ARHGEF7: variants seen among roughly 807,000 people sequenced by gnomAD.
The protein encoded by ARHGEF7 is Rho guanine nucleotide exchange factor 7.
Under a neutral mutation model 109.8 loss-of-function variants are expected in ARHGEF7, and 33 were observed. The ratio of observed to expected loss-of-function variants is 0.30; its 90% CI spans 0.23 to 0.40. The LOEUF is 0.40. ARHGEF7 is among the 10% of genes least tolerant of loss of function. The probability of loss-of-function intolerance (pLI) is 1.00; values close to 1 mark genes in which losing one functional copy is unlikely to be tolerated. For missense variants in ARHGEF7, 938 were observed against 1,098.5 expected (o/e 0.85, Z 2.07); for synonymous variants, 458 against 424.6 (o/e 1.08, Z -0.97).
At chr13:111,132,873 AG>A (rs1042084978) in intron 1 of ARHGEF7, among the ~76,000 whole-genome samples, 11 of 151,608 alleles carry the variant, frequency 7.3e-5, no homozygotes, top group Non-Finnish European at 1.5e-4. Context: ...TATTGGGAGT[AG>A]GGGTAGGGAT....
chr13:111,221,346 T>TATAGATATATATAGAC lies in ARHGEF7; in HGVS notation c.670+3469_670+3470insGATATATATAGACATA, dbSNP rs1464826576. Among the ~76,000 whole-genome samples the TATAGATATATATAGAC allele has an allele frequency of 7.2e-5, 2 of 27,826 alleles. 1 individual carries two copies. The highest frequency in any genetic ancestry group is 2.4e-4 in the African/African-American group (2 of 8,166). The allele number at this position is 27,826 out of a possible 152,430, so 18.3% of individuals were successfully genotyped here. ...ATATATATGTCTATATATATCTATA[T>TATAGATATATATAGAC]ATATGTCTATATATATATCTATATA... On this transcript the variant is annotated intron_variant, in intron 5 of 21. Coordinates refer to ENST00000646102, the MANE Select transcript of ARHGEF7 (RefSeq NM_001354046.2).
intron 6 of ARHGEF7, among the ~76,000 whole-genome samples, chr13:111,241,874 T>C (rs556644508): frequency 6.6e-6 from 1 of 152,364 alleles, no homozygotes; most frequent in South Asian, 2.1e-4. Flanking sequence ...AAAGGACTTT[T>C]CTGATACGTC....
At chr13:111,277,163 T>C (rs1163741938) in intron 12 of ARHGEF7, among the ~76,000 whole-genome samples, 2 of 152,232 alleles carry the variant, frequency 1.3e-5, no homozygotes, top group African/African-American at 2.4e-5. Context: ...CATTAAAATT[T>C]ATAGGTTCTC....
intron 6 of ARHGEF7, chr13:111,241,431 C>T: frequency 7.4e-7 from 1 of 1,343,680 alleles, no homozygotes; most frequent in Non-Finnish European, 1.0e-6. Flanking sequence ...GGGAGCCAGG[C>T]CTGGCTGTGT....
Position 111,115,389 on chromosome 13 carries a change from TG to T in ARHGEF7, c.-135del. On this transcript the variant is annotated 5_prime_UTR_variant, in exon 1 of 22. Transcript: ENST00000646102. Reference sequence around the variant, plus strand: ...GAGAAGCGGGCCGGGCCGGACCTGCTGGGCCGCGCCGAGCCAATCGCCGGCG... The same window carrying T: ...GAGAAGCGGGCCGGGCCGGACCTGCTGGCCGCGCCGAGCCAATCGCCGGCG... The T allele has an allele frequency of 2.0e-6, 1 of 509,766 alleles. No homozygotes were observed. The highest frequency in any genetic ancestry group is 2.5e-6 in the Non-Finnish European group (1 of 399,066). 31.6% of individuals were successfully genotyped at this position (509,766 alleles called of 1,614,324 possible).
intron 1 of ARHGEF7, among the ~76,000 whole-genome samples, chr13:111,139,156 A>C (rs2075227930): frequency 6.6e-6 from 1 of 152,224 alleles, no homozygotes; most frequent in African/African-American, 2.4e-5. Flanking sequence ...TAGAGATGGC[A>C]GAAGATTGAT....
chr13:111,243,981 A>G lies in ARHGEF7; in HGVS notation c.854+15A>G. On this transcript the variant is annotated intron_variant, in intron 7 of 21. Transcript: ENST00000646102. Reference sequence around the variant, plus strand: ...ACCAGTGAGAAGTAAGTTAGATGATAAATTGCATTAACTGTAAAATAGTCT... The same window carrying G: ...ACCAGTGAGAAGTAAGTTAGATGATGAATTGCATTAACTGTAAAATAGTCT... 8 of 1,575,034 alleles carry G rather than the reference A, an allele frequency of 5.1e-6. No homozygotes were observed. Among genetic ancestry groups the G allele is most frequent in the Non-Finnish European group, 6.1e-6 (7 of 1,145,574 alleles).
At chr13:111,251,820 T>C (rs2089813928) in intron 8 of ARHGEF7, among the ~76,000 whole-genome samples, 1 of 152,242 alleles carries the variant, frequency 6.6e-6, no homozygotes, top group African/African-American at 2.4e-5. Flanking sequence ...CCGGAACCAC[T>C]CTGAACCAGG....
chr13:111,244,411 A>G (rs1566943343), intron 8 of ARHGEF7, 117 bp downstream of exon 8: 1 of 665,528 alleles, frequency 1.5e-6, no homozygotes, highest in Non-Finnish European at 2.5e-6. Context: ...AAGTTATTTT[A>G]AATCTTTTGG....
chr13:111,253,540 G>A (rs1463290387), intron 8 of ARHGEF7, among the ~76,000 whole-genome samples: 1 of 152,106 alleles, frequency 6.6e-6, no homozygotes, highest in African/African-American at 2.4e-5. Flanking sequence ...GTAACTCTCC[G>A]TCTCTTTGTT....
Position 111,232,128 on chromosome 13 carries a change from TA to T in ARHGEF7, c.671-1076del, listed in dbSNP as rs2086143890. 1.3e-5 allele frequency among the ~76,000 whole-genome samples: 2 copies of T among 152,146 alleles called. 1 individual carries two copies. Among genetic ancestry groups the T allele is most frequent in the South Asian group, 4.2e-4 (2 of 4,814 alleles). ...GTAGATCTACCCCATGGAACTATGA[TA>T]TACACACAACCATTGATAGACCCAC... On this transcript the variant is annotated intron_variant, in intron 5 of 21. Transcript: ENST00000646102.
intron 2 of ARHGEF7, among the ~76,000 whole-genome samples, chr13:111,178,183 T>C (rs1379872045): frequency 1.3e-5 from 2 of 152,206 alleles, no homozygotes; most frequent in Non-Finnish European, 2.9e-5. Flanking sequence ...TCCTCCTCTC[T>C]CTTTTTCTTG....
intron 2 of ARHGEF7, among the ~76,000 whole-genome samples, chr13:111,181,755 G>A (rs1192480688): frequency 6.6e-6 from 1 of 152,198 alleles, no homozygotes; most frequent in Non-Finnish European, 1.5e-5. Context: ...AATGCTTCAA[G>A]AGAGGCGCAG....
At chr13:111,200,650 G>A (rs1279906257) in intron 2 of ARHGEF7, among the ~76,000 whole-genome samples, 1 of 152,180 alleles carries the variant, frequency 6.6e-6, no homozygotes, top group Admixed American at 6.5e-5. Context: ...TTAACGCCAT[G>A]TTCTGACATA....
At chr13:111,212,954 T>G (rs2082674565) in intron 4 of ARHGEF7, among the ~76,000 whole-genome samples, 1 of 152,190 alleles carries the variant, frequency 6.6e-6, no homozygotes, top group Admixed American at 6.6e-5. Context: ...AGAAGATATT[T>G]ACCCAAGATC....
At position 111,273,784 on chromosome 13, in the gene ARHGEF7, C is replaced by T. The variant is rs749709711; in HGVS notation, c.1074-30C>T. The T allele has an allele frequency of 7.4e-6, 12 of 1,612,620 alleles. No individual in the cohort carries two copies. Among genetic ancestry groups the T allele is most frequent in the Admixed American group, 6.7e-5 (4 of 59,970 alleles). On this transcript the variant is annotated intron_variant, in intron 9 of 21. Transcript: ENST00000646102. This position sits in a 1 kb window ranked among gnomAD's most constrained non-coding sequence, Gnocchi z 4.5. ...CACCATTGTCTCTCATTGCTAACCA[C>T]GAGTGTCTCTCTTGCCACTTGCTGC...
rs572773674 is a variant in ARHGEF7, at chr13:111,266,791, A to C, written c.951-757A>C. The stretch of plus-strand genomic sequence containing the variant: ...GCAAAGACACCCTGGGGTGCAGGGA[A>C]GGTGGTAAGAGTTCACGTGGTTCTC... On this transcript the variant is annotated intron_variant, in intron 8 of 21. Coordinates refer to ENST00000646102, the MANE Select transcript of ARHGEF7 (RefSeq NM_001354046.2). This position sits in a 1 kb window ranked among gnomAD's most constrained non-coding sequence, Gnocchi z 4.8. 2.2e-6 allele frequency: 1 copy of C among 455,864 alleles called. No homozygotes were observed. The highest frequency in any genetic ancestry group is 1.5e-5 in the South Asian group (1 of 64,538). The allele number at this position is 455,864 out of a possible 1,614,324, so 28.2% of individuals were successfully genotyped here. A position where few individuals can be genotyped will look rare whatever the true frequency, so the allele number is the denominator to read the frequency against.
chr13:111,253,225 T>C (rs1490793072), intron 8 of ARHGEF7, among the ~76,000 whole-genome samples: 1 of 152,240 alleles, frequency 6.6e-6, no homozygotes, highest in Non-Finnish European at 1.5e-5. Context: ...CCTGTTACAG[T>C]ATGATTTAGA....
At chr13:111,291,133 A>G (rs1311873917) in intron 18 of ARHGEF7, among the ~76,000 whole-genome samples, 1 of 152,204 alleles carries the variant, frequency 6.6e-6, no homozygotes, top group East Asian at 1.9e-4. Context: ...TGATAGAAGC[A>G]GGAGTAGGGA....
Sources: allele counts gnomAD v4.1 joint callset (sites outside exome capture counted in the v4.1 genomes callset), GRCh38; gene constraint gnomAD v4.1.1; non-coding constraint Gnocchi (gnomAD v3.1); transcripts MANE v1.5; gene names NCBI Gene and HGNC (gene_info 2026-07-23, HGNC 2026-07-21).